EPS15: variants seen among roughly 807,000 people sequenced by gnomAD.
EPS15 encodes the protein epidermal growth factor receptor pathway substrate 15, also known as epidermal growth factor receptor substrate 15.
In EPS15, 72 loss-of-function variants were observed where a neutral mutation model predicts 113.8. That is an observed-to-expected ratio of 0.63 (90% CI 0.52 to 0.77). The LOEUF (loss-of-function observed/expected upper bound fraction) is 0.77, where lower values mean the gene tolerates loss of function less well. Ranked by LOEUF, EPS15 falls within the 30% of genes least tolerant of loss-of-function variation. The pLI is 0.00. For missense variants in EPS15, 1,048 were observed against 1,045.8 expected (o/e 1.00, Z -0.03); for synonymous variants, 344 against 363.4 (o/e 0.95, Z 0.61).
intron 6 of EPS15, among the ~76,000 whole-genome samples, chr1:51,464,566 T>A (rs1654712622): frequency 6.6e-6 from 1 of 152,170 alleles, no homozygotes; most frequent in African/African-American, 2.4e-5. Flanking sequence ...ACTAAAGGAA[T>A]AAACATCAAG....
chr1:51,492,369 T>A (rs564013932), intron 1 of EPS15, among the ~76,000 whole-genome samples: 5 of 152,194 alleles, frequency 3.3e-5, no homozygotes, highest in Non-Finnish European at 7.4e-5. Flanking sequence ...CTAGGAATAC[T>A]GTAAATACAG....
intron 20 of EPS15, among the ~76,000 whole-genome samples, chr1:51,395,933 C>T (rs1647890392): frequency 6.6e-6 from 1 of 152,094 alleles, no homozygotes; most frequent in Non-Finnish European, 1.5e-5. Flanking sequence ...TCAAATAATA[C>T]TGCCAGAGCT....
At chr1:51,432,039 T>A (rs548669151) in intron 12 of EPS15, among the ~76,000 whole-genome samples, 1 of 152,316 alleles carries the variant, frequency 6.6e-6, no homozygotes, top group Admixed American at 6.5e-5. Context: ...TTTTGAAAGC[T>A]GTAATAAAGC....
chr1:51,509,700 G>A (rs534517046), intron 1 of EPS15, among the ~76,000 whole-genome samples: 7 of 152,184 alleles, frequency 4.6e-5, no homozygotes, highest in Admixed American at 1.3e-4. Context: ...CAATAAATCT[G>A]GAGGTTGCAA....
intron 24 of EPS15, among the ~76,000 whole-genome samples, chr1:51,359,603 T>C (rs1646333413): frequency 6.8e-6 from 1 of 146,130 alleles, no homozygotes; most frequent in Admixed American, 6.9e-5. Flanking sequence ...CTACTAAAAA[T>C]ACAAAATTAG....
intron 9 of EPS15, 22 bp downstream of exon 9, chr1:51,448,024 G>A (rs757311932): frequency 2.0e-5 from 33 of 1,609,804 alleles, no homozygotes; most frequent in South Asian, 9.9e-5. Flanking sequence ...GGGATCAACC[G>A]CACAGAGCCT....
chr1:51,434,702 G>C (rs549939075), intron 12 of EPS15, among the ~76,000 whole-genome samples: 2 of 152,054 alleles, frequency 1.3e-5, no homozygotes, highest in Non-Finnish European at 2.9e-5. Context: ...ACGGAGTCTC[G>C]CACTTGTCTC....
At chr1:51,375,281 G>A (rs139600178) in intron 21 of EPS15, among the ~76,000 whole-genome samples, 3,341 of 152,246 alleles carry the variant, frequency 0.022, 32 homozygotes, top group Middle Eastern at 0.034. Context: ...GATTACAGGC[G>A]TGAGCCACCG....
At chr1:51,428,727 T>C (rs981305961) in intron 12 of EPS15, among the ~76,000 whole-genome samples, 1 of 147,906 alleles carries the variant, frequency 6.8e-6, no homozygotes, top group Non-Finnish European at 1.5e-5. Context: ...CTTGGGAGGC[T>C]GAGGCAGGAG....
chr1:51,446,707 G>A (rs1039818923), intron 10 of EPS15, among the ~76,000 whole-genome samples: 1 of 151,954 alleles, frequency 6.6e-6, no homozygotes, highest in Non-Finnish European at 1.5e-5. Context: ...CACCCACCTC[G>A]GCCTCCCAAA....
intron 1 of EPS15, among the ~76,000 whole-genome samples, chr1:51,499,494 G>T (rs1644378005): frequency 6.6e-6 from 1 of 152,122 alleles, no homozygotes; most frequent in South Asian, 2.1e-4. Flanking sequence ...ACAGCTGGGA[G>T]TGGAATTGCT....
At chr1:51,515,258 TAAA>T (rs879334673) in intron 1 of EPS15, among the ~76,000 whole-genome samples, 1 of 145,562 alleles carries the variant, frequency 6.9e-6, no homozygotes, top group Non-Finnish European at 1.5e-5. Flanking sequence ...TTTATTACTT[TAAA>T]AAAAAAAAAG....
At chr1:51,422,701 T>C (rs1238352599) in intron 12 of EPS15, among the ~76,000 whole-genome samples, 1 of 152,272 alleles carries the variant, frequency 6.6e-6, no homozygotes, top group East Asian at 1.9e-4. Context: ...TTTGTAGTTG[T>C]ACTGAAATCA....
At chr1:51,501,329 A>G (rs567190275) in intron 1 of EPS15, among the ~76,000 whole-genome samples, 1 of 151,600 alleles carries the variant, frequency 6.6e-6, no homozygotes, top group Non-Finnish European at 1.5e-5. Flanking sequence ...AATTGCTTGA[A>G]CCCGGGAGGT....
intron 12 of EPS15, among the ~76,000 whole-genome samples, chr1:51,435,491 G>A (rs1652081557): frequency 6.6e-6 from 1 of 152,184 alleles, no homozygotes; most frequent in African/African-American, 2.4e-5. Flanking sequence ...ACTGTGTCCG[G>A]CCTAAAATCC....
intron 21 of EPS15, chr1:51,372,327 C>G: frequency 1.9e-6 from 1 of 530,622 alleles, no homozygotes; most frequent in South Asian, 1.4e-5. Flanking sequence ...TGTGGTGGAT[C>G]ATTTCAACCG....
chr1:51,454,464 G>A (rs913321628), intron 8 of EPS15, among the ~76,000 whole-genome samples: 2 of 152,204 alleles, frequency 1.3e-5, no homozygotes, highest in Non-Finnish European at 1.5e-5. Context: ...CATCAATAGT[G>A]ATGTCACATG....
chr1:51,459,369 C>T (rs1654258369), intron 8 of EPS15, among the ~76,000 whole-genome samples: 1 of 152,072 alleles, frequency 6.6e-6, no homozygotes. Flanking sequence ...TGGTGGTGCA[C>T]TTCTGTAATC....
At chr1:51,496,545 T>C (rs996701825) in intron 1 of EPS15, among the ~76,000 whole-genome samples, 6 of 152,172 alleles carry the variant, frequency 3.9e-5, no homozygotes, top group Admixed American at 3.9e-4. Flanking sequence ...TCCCCTAGTA[T>C]CATAAACAAA....
Sources: allele counts gnomAD v4.1 joint callset (sites outside exome capture counted in the v4.1 genomes callset), GRCh38; gene constraint gnomAD v4.1.1; transcripts MANE v1.5; gene names NCBI Gene and HGNC (gene_info 2026-07-23, HGNC 2026-07-21).